EHMT2: variants seen among roughly 807,000 people sequenced by gnomAD.
EHMT2 encodes euchromatic histone lysine methyltransferase 2.
Under a neutral mutation model 143.3 loss-of-function variants are expected in EHMT2, and 59 were observed. The observed-to-expected ratio is 0.41, with a 90% CI of 0.33 to 0.51. The LOEUF is 0.51. Ranked by LOEUF, EHMT2 falls within the 20% of genes least tolerant of loss-of-function variation. The probability of loss-of-function intolerance (pLI) is 0.18; values close to 1 mark genes in which losing one functional copy is unlikely to be tolerated. For synonymous variants in EHMT2, 604 were observed against 651.5 expected (o/e 0.93, Z 1.11); for missense variants, 1,174 against 1,645.9 (o/e 0.71, Z 4.96).
In EHMT2 at chr6:31,884,770, G is replaced by T; in HGVS notation, c.2478C>A (p.Ser826=). The change falls in exon 20 of 28, where the codon TCC becomes TCA. Residue 826 remains serine (S), a synonymous_variant. Coordinates refer to ENST00000375537, the Ensembl canonical transcript of EHMT2. The surrounding 1 kb of genome is among the most constrained non-coding windows in gnomAD (Gnocchi z 7.3). ...CGGCGATGGCGGCGCTGCCCGTGAAGGAGGCCCAGTGCAGGCAGATGTTCT... is the reference window on the plus strand; with the variant it reads ...CGGCGATGGCGGCGCTGCCCGTGAATGAGGCCCAGTGCAGGCAGATGTTCT... 6.2e-7 allele frequency: 1 copy of T among 1,602,066 alleles called. No homozygotes were observed.
At chr6:31,887,218 T>G in intron 15 of EHMT2, 117 bp from the exon 16 acceptor site, 3 of 811,796 alleles carry the variant, frequency 3.7e-6, no homozygotes, top group Non-Finnish European at 5.9e-6. Context: ...TCAGGGCCCC[T>G]CCTGGCATTC....
chr6:31,881,415 G>T lies in EHMT2; in HGVS notation c.3198-323C>A, dbSNP rs369757700. The T allele has an allele frequency of 2.1e-6, 1 of 473,180 alleles. No individual in the cohort carries two copies. The highest frequency in any genetic ancestry group is 2.0e-5 in the African/African-American group (1 of 51,120). 29.3% of individuals were successfully genotyped at this position (473,180 alleles called of 1,614,324 possible). The stretch of plus-strand genomic sequence containing the variant: ...TTCCAGGAGCCACCCGGCAGGAATG[G>T]GCGATATGGAACAGGAGAGGGGCCA... On this transcript the variant is annotated intron_variant, in intron 25 of 27. Coordinates refer to ENST00000375537, the Ensembl canonical transcript of EHMT2. The surrounding 1 kb of genome is among the most constrained non-coding windows in gnomAD (Gnocchi z 4.8).
intron 15 of EHMT2, 58 bp from the exon 16 acceptor site, chr6:31,887,159 G>T: frequency 7.0e-7 from 1 of 1,437,772 alleles, no homozygotes. Flanking sequence ...GCAAGCTAGG[G>T]GGCAGGTGGC....
chr6:31,888,769 G>A lies in EHMT2; in HGVS notation c.1217-22C>T. 6.2e-7 allele frequency: 1 copy of A among 1,610,230 alleles called. No homozygotes were observed. The highest frequency in any genetic ancestry group is 2.2e-5 in the East Asian group (1 of 44,868). ...ACCCCTTGGATGGAGGAAAAGAGGA[G>A]CTGAGGGAGGCTCTGCACCTCACCT... is the stretch of plus-strand genomic sequence containing the variant. On this transcript the variant is annotated intron_variant, in intron 10 of 27. Transcript: ENST00000375537. This position sits in a 1 kb window ranked among gnomAD's most constrained non-coding sequence, Gnocchi z 7.4.
rs1764501517 is a variant in EHMT2 at position 31,884,222 on chromosome 6, T to C, written c.2771+170A>G. ...CAGTTTAACTGGGTGTCTTCTATTT[T>C]TATTTGCTGTATCTGGCAACCCTAG... On this transcript the variant is annotated intron_variant, in intron 21 of 27. Coordinates refer to ENST00000375537, the Ensembl canonical transcript of EHMT2. This position sits in a 1 kb window ranked among gnomAD's most constrained non-coding sequence, Gnocchi z 7.3. The C allele has an allele frequency of 1.2e-6, 1 of 803,806 alleles. No homozygotes were observed. 49.8% of individuals were successfully genotyped at this position (803,806 alleles called of 1,614,324 possible).
rs652888 is a variant in EHMT2 at position 31,883,457 on chromosome 6, A to G, written c.2917-18T>C. 340,259 of 1,607,448 alleles carry G rather than the reference A, an allele frequency of 0.21. 38,123 individuals carry two copies. Among genetic ancestry groups the G allele is most frequent in the Non-Finnish European group, 0.22 (264,171 of 1,177,150 alleles). On this transcript the variant is annotated intron_variant, in intron 22 of 27. Transcript: ENST00000375537. The surrounding 1 kb of genome is among the most constrained non-coding windows in gnomAD (Gnocchi z 5.6). Reference sequence around the variant, plus strand: ...GTGCAGTGCTGGGGCGAGGAGGCAGAGGTCAGCTCAACCCCATGATCGGTC... The same window carrying G: ...GTGCAGTGCTGGGGCGAGGAGGCAGGGGTCAGCTCAACCCCATGATCGGTC...
At chr6:31,896,614 A>T in exon 3 of EHMT2, 1 of 1,585,544 alleles carries the variant, frequency 6.3e-7, no homozygotes, top group Non-Finnish European at 8.6e-7. Context: ...ACCCAGCAGG[A>T]TCCGGCCCCC....
chr6:31,883,202 C>G lies in EHMT2; in HGVS notation c.2994+160G>C. The G allele has an allele frequency of 2.2e-6, 2 of 892,806 alleles. No individual in the cohort carries two copies. The highest frequency in any genetic ancestry group is 3.5e-6 in the Non-Finnish European group (2 of 568,464). 55.3% of individuals were successfully genotyped at this position (892,806 alleles called of 1,614,324 possible). ...ACCTGGGCACACGCCCATCGCTGTC[C>G]CAGCCACATCCCAGGATTCCCAGGC... On this transcript the variant is annotated intron_variant, in intron 23 of 27. Transcript: ENST00000375537. The surrounding 1 kb of genome is among the most constrained non-coding windows in gnomAD (Gnocchi z 5.6).
rs560264907 is a variant in EHMT2 at position 31,885,251 on chromosome 6, G to A, written c.2344-235C>T. 341 of 463,606 alleles carry A rather than the reference G, an allele frequency of 7.4e-4. 4 individuals are homozygous for A. Among genetic ancestry groups the A allele is most frequent in the African/African-American group, 5.8e-3 (293 of 50,386 alleles). 28.7% of individuals were successfully genotyped at this position (463,606 alleles called of 1,614,324 possible). ...CCAGCACTTTGGGAGGCCGAGGCGG[G>A]CGGATCACGAGGTCAGGAGATGGAG... is the stretch of plus-strand genomic sequence containing the variant. On this transcript the variant is annotated intron_variant, in intron 18 of 27. Transcript: ENST00000375537.
chr6:31,884,155 A>G lies in EHMT2; in HGVS notation c.2772-205T>C. 2.8e-6 allele frequency: 2 copies of G among 702,408 alleles called. No individual in the cohort carries two copies. Among genetic ancestry groups the G allele is most frequent in the South Asian group, 4.0e-5 (2 of 50,442 alleles). The allele number at this position is 702,408 out of a possible 1,614,324, so 43.5% of individuals were successfully genotyped here. The stretch of plus-strand genomic sequence containing the variant: ...GTATGTCCCAAAAATTACACAGGAC[A>G]TTCTCACACTAAAAAAGTATGCATC... On this transcript the variant is annotated intron_variant, in intron 21 of 27. Coordinates refer to ENST00000375537, the Ensembl canonical transcript of EHMT2. This position sits in a 1 kb window ranked among gnomAD's most constrained non-coding sequence, Gnocchi z 7.3.
intron 16 of EHMT2, 46 bp downstream of exon 16, chr6:31,886,949 G>A: frequency 6.2e-7 from 1 of 1,613,790 alleles, no homozygotes; most frequent in Non-Finnish European, 8.5e-7. Flanking sequence ...CAGGGGAGGG[G>A]CCTAAGGGCC....
rs747547177 is a variant in EHMT2, at chr6:31,887,944, T to A, written c.1763A>T (p.His588Leu). Residue 588 changes from histidine to leucine, a missense_variant, in exon 14 of 28, where the codon CAT (histidine) becomes CTT (leucine). By Grantham distance (99) the His-to-Leu change is moderately conservative. Transcript: ENST00000375537. ...GCAGGGCGGGCGCCGGGGTTCCCCA[T>A]GCCCTCGCATCCGGGCACTGTGGAA... 29 of 1,596,950 alleles carry A rather than the reference T, an allele frequency of 1.8e-5. No homozygotes were observed. Among genetic ancestry groups the A allele is most frequent in the Non-Finnish European group, 2.0e-5 (23 of 1,170,630 alleles).
At chr6:31,896,864 G>A (rs759435065) in intron 2 of EHMT2, 40 bp from the exon 3 acceptor site, 10 of 1,612,378 alleles carry the variant, frequency 6.2e-6, no homozygotes, top group Admixed American at 3.3e-5. Context: ...AAGGGCTCAG[G>A]AGATCCTGTG....
chr6:31,882,709 A>G (rs1214498256), exon 25 of EHMT2: 1 of 1,612,344 alleles, frequency 6.2e-7, no homozygotes, highest in Non-Finnish European at 8.5e-7. Context: ...TCGCAGATGA[A>G]GGTCCCCTGT....
chr6:31,896,296 G>C, exon 4 of EHMT2: 1 of 1,612,896 alleles, frequency 6.2e-7, no homozygotes, highest in Non-Finnish European at 8.5e-7. Flanking sequence ...TGGTTTTGCG[G>C]GCTCGGTGGA....
At chr6:31,897,580 CTTCCCCCGG>C (rs1766736386) in intron 1 of EHMT2, 47 bp downstream of exon 1, 1 of 1,123,830 alleles carries the variant, frequency 8.9e-7, no homozygotes. Context: ...CGGGCGCGCG[CTTCCCCCGG>C]GCGCGCGCGC....
chr6:31,886,448 G>A (rs1764855731), intron 18 of EHMT2, 133 bp downstream of exon 18: 2 of 675,854 alleles, frequency 3.0e-6, no homozygotes, highest in East Asian at 2.7e-5. Context: ...TACAAATGAG[G>A]AAGAAGAAAG....
At chr6:31,897,488 A>C (rs1255556591) in intron 1 of EHMT2, 148 bp downstream of exon 1, 22 of 257,192 alleles carry the variant, frequency 8.6e-5, no homozygotes, top group Admixed American at 2.2e-4. Context: ...TGGTCCCCTC[A>C]TCCGCCCCCG....
chr6:31,889,144 T>A lies in EHMT2; in HGVS notation c.1115-74A>T. The A allele has an allele frequency of 6.5e-7, 1 of 1,532,856 alleles. No homozygotes were observed. The highest frequency in any genetic ancestry group is 8.9e-7 in the Non-Finnish European group (1 of 1,125,556). The allele number at this position is 1,532,856 out of a possible 1,614,324, so 95.0% of individuals were successfully genotyped here. The stretch of plus-strand genomic sequence containing the variant: ...ACGCGTGGGTACATGCAGGTGGACA[T>A]GCGAGAGCGTGTGTGTGCGTGCACA... On this transcript the variant is annotated intron_variant, in intron 9 of 27. Transcript: ENST00000375537. The surrounding 1 kb of genome is among the most constrained non-coding windows in gnomAD (Gnocchi z 5.1).
Sources: gnomAD v4.1 joint callset for allele counts on GRCh38, gnomAD v4.1.1 for gene constraint, Gnocchi (gnomAD v3.1) non-coding constraint, MANE v1.5 for transcripts, NCBI Gene and HGNC (gene_info 2026-07-23, HGNC 2026-07-21) for gene names.